The following SUMF1 variants were observed in gnomAD, a reference collection of about 807,000 sequenced individuals.
SUMF1 encodes the protein formylglycine-generating enzyme.
Under a neutral mutation model 47.6 loss-of-function variants are expected in SUMF1, and 48 were observed. The ratio of observed to expected loss-of-function variants is 1.01; its 90% confidence interval spans 0.80 to 1.28. The LOEUF is 1.28. Among genes scored for constraint, SUMF1 ranks in the 50% most tolerant of loss-of-function variants. SUMF1 has a pLI of 0.00. For missense variants in SUMF1, 571 were observed against 485.4 expected (o/e 1.18, Z -1.66); for synonymous variants, 230 against 192.1 (o/e 1.20, Z -1.63).
intron 8 of SUMF1, among the ~76,000 whole-genome samples, chr3:4,251,585 G>A (rs1489904502): frequency 6.6e-6 from 1 of 152,168 alleles, no homozygotes; most frequent in Non-Finnish European, 1.5e-5. Context: ...CTTCATTGTT[G>A]TCTTAAGAAA....
intron 8 of SUMF1, among the ~76,000 whole-genome samples, chr3:4,256,742 C>A (rs942195117): frequency 1.3e-5 from 2 of 152,060 alleles, no homozygotes; most frequent in Non-Finnish European, 2.9e-5. Flanking sequence ...TAGAGGGAAT[C>A]CTCCCTAACT....
At chr3:4,420,383 GTATATC>G (rs1701853330) in intron 3 of SUMF1, among the ~76,000 whole-genome samples, 1 of 145,978 alleles carries the variant, frequency 6.9e-6, no homozygotes, top group African/African-American at 2.5e-5. Flanking sequence ...TTTAAATGGT[GTATATC>G]TATAAGAATT....
intron 9 of SUMF1, among the ~76,000 whole-genome samples, chr3:4,057,337 C>T (rs1472368756): frequency 6.6e-6 from 1 of 152,110 alleles, no homozygotes; most frequent in African/African-American, 2.4e-5. Flanking sequence ...CACCATCACT[C>T]ACTGCATAAG....
At chr3:4,313,712 G>A (rs778926033) in intron 8 of SUMF1, 2 of 1,614,036 alleles carry the variant, frequency 1.2e-6, no homozygotes, top group South Asian at 2.2e-5. Context: ...CCCAGCATGT[G>A]TGGCTCAGCC....
At chr3:4,047,124 A>C (rs557537369) in intron 9 of SUMF1, among the ~76,000 whole-genome samples, 31 of 152,060 alleles carry the variant, frequency 2.0e-4, no homozygotes, top group Non-Finnish European at 4.1e-4. Flanking sequence ...TGGTGCCTTT[A>C]CATCTTTCAA....
chr3:4,382,761 T>C (rs1424078174), intron 7 of SUMF1, among the ~76,000 whole-genome samples: 1 of 152,180 alleles, frequency 6.6e-6, no homozygotes, highest in African/African-American at 2.4e-5. Flanking sequence ...TGAGCTCATG[T>C]CCTTTGCAGG....
intron 6 of SUMF1, 97 bp downstream of exon 6, chr3:4,417,031 T>G: frequency 9.1e-7 from 1 of 1,093,110 alleles, no homozygotes; most frequent in Non-Finnish European, 1.4e-6. Context: ...GGGAACACCG[T>G]GTGAGTCACA....
chr3:4,253,636 T>C (rs1330459879), intron 8 of SUMF1, among the ~76,000 whole-genome samples: 1 of 151,650 alleles, frequency 6.6e-6, no homozygotes, highest in African/African-American at 2.4e-5. Flanking sequence ...CGCTGATTGC[T>C]AGCACAGCAG....
chr3:4,316,846 A>G, intron 8 of SUMF1: 1 of 1,550,090 alleles, frequency 6.5e-7, no homozygotes, highest in Non-Finnish European at 8.7e-7. Flanking sequence ...AATCCCGGTG[A>G]AACCATTACA....
In SUMF1 at chr3:4,418,061, A is replaced by G; in HGVS notation, c.674T>C (p.Leu225Pro). 1 of 1,614,076 alleles carries G rather than the reference A, an allele frequency of 6.2e-7. No homozygotes were observed. The highest frequency in any genetic ancestry group is 8.5e-7 in the Non-Finnish European group (1 of 1,180,014). ...GTATTCCCACTCAGCTTCCGTGGGC[A>G]GCCGCTTCCCTGCCCAAGTGCAGTA... The part of the protein sequence containing the change: ...VAYCTWAGKR[L>P]PTEAEWEYSC... The change falls in exon 5 of 9, where the codon CTG becomes CCG. Residue 225 changes from leucine (L) to proline (P), a missense_variant. Transcript: ENST00000272902.
intron 3 of SUMF1, among the ~76,000 whole-genome samples, chr3:4,440,331 G>A (rs1045325122): frequency 4.0e-5 from 6 of 150,854 alleles, no homozygotes; most frequent in African/African-American, 1.2e-4. Context: ...CCTATGTACT[G>A]AAACTTGCCC....
intron 8 of SUMF1, among the ~76,000 whole-genome samples, chr3:4,245,415 G>A (rs755722037): frequency 1.3e-5 from 2 of 152,136 alleles, no homozygotes; most frequent in African/African-American, 4.8e-5. Flanking sequence ...TACAGATGGG[G>A]TTTTAGTGTG....
At chr3:4,424,847 T>C (rs1184882891) in intron 3 of SUMF1, among the ~76,000 whole-genome samples, 1 of 152,236 alleles carries the variant, frequency 6.6e-6, no homozygotes, top group African/African-American at 2.4e-5. Flanking sequence ...AGAGTACTAT[T>C]AGACATTTTT....
intron 7 of SUMF1, among the ~76,000 whole-genome samples, chr3:4,380,143 G>A (rs562080523): frequency 3.9e-5 from 6 of 152,152 alleles, no homozygotes; most frequent in African/African-American, 1.2e-4. Flanking sequence ...TCTTGGGGAT[G>A]CATAAGAATC....
chr3:4,234,137 C>T (rs1428128074), intron 8 of SUMF1, among the ~76,000 whole-genome samples: 4 of 152,044 alleles, frequency 2.6e-5, no homozygotes, highest in Non-Finnish European at 5.9e-5. Flanking sequence ...TACAGATAGT[C>T]AAAAGAACTG....
At chr3:4,308,026 T>TA (rs569000119) in intron 8 of SUMF1, among the ~76,000 whole-genome samples, 482 of 147,158 alleles carry the variant, frequency 3.3e-3, no homozygotes, top group South Asian at 9.4e-3. Flanking sequence ...AGCAACGTCT[T>TA]AAAAAAAAAA....
At chr3:4,306,280 A>G (rs1698186883) in intron 8 of SUMF1, among the ~76,000 whole-genome samples, 1 of 152,224 alleles carries the variant, frequency 6.6e-6, no homozygotes, top group Non-Finnish European at 1.5e-5. Context: ...TAAGCGTTAA[A>G]TTATTTAAAA....
In SUMF1 at chr3:4,305,529, A is replaced by G. The variant is rs147245805; in HGVS notation, c.1014+70801T>C. ...CCTTGTTGTGGAAAGAAAGAAAAAG[A>G]GGGGGAAAGGGGATTCTCTATAGAA... On this transcript the variant is annotated intron_variant and NMD_transcript_variant, in intron 8 of 12. Coordinates refer to the SUMF1 transcript ENST00000448413. 1.7e-3 allele frequency among the ~76,000 whole-genome samples: 266 copies of G among 152,330 alleles called. 3 individuals are homozygous for G. In the East Asian group the frequency reaches 0.019, roughly 11 times the overall value.
chr3:4,458,388 A>G (rs1410037395), intron 1 of SUMF1, among the ~76,000 whole-genome samples: 1 of 152,200 alleles, frequency 6.6e-6, no homozygotes, highest in Non-Finnish European at 1.5e-5. Flanking sequence ...GTATATGGCC[A>G]AAGGAAATAA....
Sources: allele counts gnomAD v4.1 joint callset (sites outside exome capture counted in the v4.1 genomes callset), GRCh38; gene constraint gnomAD v4.1.1; transcripts MANE v1.5; gene names NCBI Gene and HGNC (gene_info 2026-07-23, HGNC 2026-07-21).